AIFM3: variants seen among roughly 807,000 people sequenced by gnomAD.
The protein encoded by AIFM3 is AIF family member 3.
In AIFM3, 71 loss-of-function variants were observed where a neutral mutation model predicts 82.7. The observed-to-expected ratio is 0.86, with a 90% CI of 0.71 to 1.05. The LOEUF is 1.05. AIFM3 is among the 50% of genes least tolerant of loss of function. The pLI, the probability that AIFM3 is intolerant of heterozygous loss-of-function variation, is 0.00. For missense variants in AIFM3, 748 were observed against 816.7 expected (o/e 0.92, Z 1.03); for synonymous variants, 337 against 329.1 (o/e 1.02, Z -0.26).
Position 20,976,550 on chromosome 22 carries a change from T to G in AIFM3, c.1030+12T>G. On this transcript the variant is annotated intron_variant, in intron 11 of 20. Coordinates refer to ENST00000440238, the MANE Select transcript of AIFM3 (RefSeq NM_001386814.1). Reference sequence around the variant, plus strand: ...AGCCGGCTTCCTGGGTGAGAGGTAGTGGGCAGTGGAGATGGTGGTCAGGTC... The same window carrying G: ...AGCCGGCTTCCTGGGTGAGAGGTAGGGGGCAGTGGAGATGGTGGTCAGGTC... The G allele has an allele frequency of 6.2e-7, 1 of 1,612,938 alleles. No individual in the cohort carries two copies. The highest frequency in any genetic ancestry group is 1.1e-5 in the South Asian group (1 of 91,066).
chr22:20,975,519 C>T (rs1923582987), intron 8 of AIFM3, among the ~76,000 whole-genome samples, 173 bp from the exon 9 acceptor site: 1 of 152,240 alleles, frequency 6.6e-6, no homozygotes, highest in Non-Finnish European at 1.5e-5. Context: ...ATCCTCCTGT[C>T]TCAGCCTCCC....
At chr22:20,980,426 G>A (rs186767081) in intron 19 of AIFM3, 13 of 596,624 alleles carry the variant, frequency 2.2e-5, no homozygotes, top group Middle Eastern at 4.5e-4. Context: ...CACCTAACTG[G>A]ACATAGTTGT....
At position 20,973,719 on chromosome 22, in the gene AIFM3, T is replaced by C. The variant is rs1197575007; in HGVS notation, c.246-39T>C. On this transcript the variant is annotated intron_variant, in intron 3 of 20. Coordinates refer to ENST00000440238, the MANE Select transcript of AIFM3 (RefSeq NM_001386814.1). ...GGAGGAGCTGCCAGGAGGTTGTGCCTGGTGTCTGGCCTGACCTCTGAGTGC... is the reference window on the plus strand; with the variant it reads ...GGAGGAGCTGCCAGGAGGTTGTGCCCGGTGTCTGGCCTGACCTCTGAGTGC... The C allele has an allele frequency of 4.7e-6, 7 of 1,495,620 alleles. No homozygotes were observed. The Admixed American group carries it at 1.5e-4, about 32-fold the overall frequency. 92.6% of individuals were successfully genotyped at this position (1,495,620 alleles called of 1,614,324 possible). A position where few individuals can be genotyped will look rare whatever the true frequency, so the allele number is the denominator to read the frequency against.
chr22:20,976,577 T>C, intron 11 of AIFM3, 39 bp downstream of exon 11: 1 of 1,612,808 alleles, frequency 6.2e-7, no homozygotes, highest in Non-Finnish European at 8.5e-7. Context: ...GGTCAGGTCG[T>C]CATGGCCAGT....
chr22:20,978,466 G>A (rs58803961), intron 16 of AIFM3, among the ~76,000 whole-genome samples: 4,624 of 152,120 alleles, frequency 0.03, 232 homozygotes, highest in African/African-American at 0.11. Flanking sequence ...CTGAGGAATA[G>A]CTTTCCCCTC....
intron 17 of AIFM3, 49 bp downstream of exon 17, chr22:20,979,418 G>T: frequency 6.6e-7 from 1 of 1,521,334 alleles, no homozygotes; most frequent in Non-Finnish European, 8.9e-7. Context: ...GTTTAGGGGC[G>T]GGGCTTGGGT....
At position 20,973,756 on chromosome 22, in the gene AIFM3, A is replaced by G. The variant is rs1477899513; in HGVS notation, c.246-2A>G. On this transcript the variant is annotated splice_acceptor_variant, in intron 3 of 20. Coordinates refer to ENST00000440238, the MANE Select transcript of AIFM3 (RefSeq NM_001386814.1). LOFTEE classifies it high-confidence loss of function. ...TGACCTCTGAGTGCTGCGGTTCCCC[A>G]GGATGCGGGAAGTGGAGCTGGGCTG... 1.9e-6 allele frequency: 3 copies of G among 1,550,104 alleles called. No individual in the cohort carries two copies. Among genetic ancestry groups the G allele is most frequent in the African/African-American group, 2.7e-5 (2 of 73,562 alleles).
chr22:20,979,092 C>G (rs1347785139), intron 16 of AIFM3, among the ~76,000 whole-genome samples, 179 bp from the exon 17 acceptor site: 1 of 152,258 alleles, frequency 6.6e-6, no homozygotes, highest in African/African-American at 2.4e-5. Context: ...GCAGGTGTTC[C>G]CCTGCACCAG....
At chr22:20,978,287 T>G (rs1306096806) in intron 16 of AIFM3, among the ~76,000 whole-genome samples, 1 of 39,528 alleles carries the variant, frequency 2.5e-5, no homozygotes, top group Non-Finnish European at 1.4e-4. Flanking sequence ...GATCAACCTG[T>G]GCATTACCCT....
chr22:20,965,768 C>A (rs539991518), upstream of AIFM3, among the ~76,000 whole-genome samples: 2 of 152,070 alleles, frequency 1.3e-5, no homozygotes, highest in Non-Finnish European at 2.9e-5. Flanking sequence ...CCAGCCTGCA[C>A]CCTGGGGGCG....
chr22:20,973,119 C>G (rs1923375817), intron 2 of AIFM3, among the ~76,000 whole-genome samples, 188 bp from the exon 3 acceptor site: 1 of 151,850 alleles, frequency 6.6e-6, no homozygotes, highest in Non-Finnish European at 1.5e-5. Context: ...CCCATCCATG[C>G]CCCTCCGCTG....
At position 20,977,780 on chromosome 22, in the gene AIFM3, G is replaced by A. The variant is rs1404990384; in HGVS notation, c.1359+4G>A. Reference sequence around the variant, plus strand: ...AGGCTTCATCCCTGTCAACAAGGTGGGGTGGATGGCACTGGGTGGGGAGGA... The same window carrying A: ...AGGCTTCATCCCTGTCAACAAGGTGAGGTGGATGGCACTGGGTGGGGAGGA... On this transcript the variant is annotated splice_donor_region_variant and intron_variant, in intron 15 of 20. Transcript: ENST00000440238. The A allele has an allele frequency of 6.2e-7, 1 of 1,614,192 alleles. No homozygotes were observed. The highest frequency in any genetic ancestry group is 8.5e-7 in the Non-Finnish European group (1 of 1,180,038).
intron 2 of AIFM3, among the ~76,000 whole-genome samples, chr22:20,972,100 G>T (rs1923304240): frequency 6.6e-6 from 1 of 152,216 alleles, no homozygotes; most frequent in Non-Finnish European, 1.5e-5. Flanking sequence ...GGTGAGAAGA[G>T]CTATTTTGAG....
Position 20,979,612 on chromosome 22 carries a change from C to T in AIFM3, c.1577-15C>T. ...CCCGGCTCACGTGGGTGCCACCCAC[C>T]TGCCCGGCCCACAGGCTACGGAGAA... On this transcript the variant is annotated splice_polypyrimidine_tract_variant and intron_variant, in intron 17 of 20. Coordinates refer to ENST00000440238, the MANE Select transcript of AIFM3 (RefSeq NM_001386814.1). 1 of 1,614,106 alleles carries T rather than the reference C, an allele frequency of 6.2e-7. No homozygotes were observed. The highest frequency in any genetic ancestry group is 8.5e-7 in the Non-Finnish European group (1 of 1,179,998).
Position 20,980,993 on chromosome 22 carries a change from AC to A in AIFM3, c.1781del (p.Thr594MetfsTer49). 1 of 1,614,180 alleles carries A rather than the reference AC, an allele frequency of 6.2e-7. No individual in the cohort carries two copies. Among genetic ancestry groups the A allele is most frequent in the Non-Finnish European group, 8.5e-7 (1 of 1,180,018 alleles). On this transcript the variant is annotated frameshift_variant and splice_region_variant, in exon 21 of 21. Transcript: ENST00000440238. LOFTEE classifies it high-confidence loss of function. ...EVELFVLHSK[T>X]GDMSWLTGKG... ...CCCCTCCTCCCCTCACTCCTGCAGG[AC>A]TGGCGACATGTCCTGGCTTACGGGG...
Position 20,967,898 on chromosome 22 carries a change from C to T in AIFM3, c.-47C>T. Reference sequence around the variant, plus strand: ...GGGGGGCGCCCTAGGCCTCCGACAGCTCCCCATCTGTGCTCCTGCCTGCCG... The same window carrying T: ...GGGGGGCGCCCTAGGCCTCCGACAGTTCCCCATCTGTGCTCCTGCCTGCCG... On this transcript the variant is annotated 5_prime_UTR_variant, in exon 2 of 21. Transcript: ENST00000440238. 6.2e-7 allele frequency: 1 copy of T among 1,612,994 alleles called. No individual in the cohort carries two copies. The highest frequency in any genetic ancestry group is 8.5e-7 in the Non-Finnish European group (1 of 1,179,054).
At position 20,967,626 on chromosome 22, in the gene AIFM3, C is replaced by T. The variant is rs1389067121; in HGVS notation, c.-140-179C>T. 5 of 458,756 alleles carry T rather than the reference C, an allele frequency of 1.1e-5. No homozygotes were observed. In the Admixed American group the frequency reaches 1.2e-4, roughly 11 times the overall value. 28.4% of individuals were successfully genotyped at this position (458,756 alleles called of 1,614,324 possible). The stretch of plus-strand genomic sequence containing the variant: ...CCACTGGAGGAGTGAGGGAGCTGAG[C>T]TTGGAGGGCTTCAAAGGGGAGGTGA... On this transcript the variant is annotated intron_variant, in intron 1 of 20. Transcript: ENST00000440238.
At chr22:20,979,753 G>T in intron 18 of AIFM3, 51 bp downstream of exon 18, 2 of 1,604,364 alleles carry the variant, frequency 1.2e-6, no homozygotes, top group Non-Finnish European at 1.7e-6. Flanking sequence ...GCTCAGTCGG[G>T]AAGGGGGATT....
At chr22:20,979,825 C>G (rs1923968568) in intron 18 of AIFM3, 123 bp downstream of exon 18, 3 of 1,328,014 alleles carry the variant, frequency 2.3e-6, no homozygotes, top group Non-Finnish European at 2.1e-6. Flanking sequence ...AGTGCTGGAG[C>G]TTCCTTAGGA....
Sources: allele counts gnomAD v4.1 joint callset (sites outside exome capture counted in the v4.1 genomes callset), GRCh38; gene constraint gnomAD v4.1.1; transcripts MANE v1.5; gene names NCBI Gene and HGNC (gene_info 2026-07-23, HGNC 2026-07-21).